The following RANBP2 variants were observed in gnomAD, a reference collection of about 807,000 sequenced individuals.
RANBP2 encodes RAN binding protein 2.
In RANBP2, 57 loss-of-function variants were observed where a neutral mutation model predicts 303.6. That is an observed-to-expected ratio of 0.19 (90% confidence interval 0.15 to 0.23). The LOEUF is 0.23. Among genes scored for constraint, RANBP2 ranks in the 10% least tolerant of loss-of-function variants. RANBP2 has a pLI of 1.00. For synonymous variants in RANBP2, 1,167 were observed against 1,301.5 expected (o/e 0.90, Z 2.23); for missense variants, 3,138 against 3,780.8 (o/e 0.83, Z 4.46).
At chr2:109,632,464 C>T in the RANBP2 span, among the ~76,000 whole-genome samples, 3 of 152,172 alleles carry the variant, frequency 2.0e-5, no homozygotes, top group African/African-American at 7.2e-5. Context: ...AATTGCTGTA[C>T]ACCCAGCTGG....
the RANBP2 span, among the ~76,000 whole-genome samples, chr2:109,056,254 A>G: frequency 6.6e-6 from 1 of 151,822 alleles, no homozygotes; most frequent in Non-Finnish European, 1.5e-5. Flanking sequence ...GTGATCTTGA[A>G]CTCCTGAGCC....
the RANBP2 span, among the ~76,000 whole-genome samples, chr2:109,447,147 TAAAAA>T: frequency 1.7e-4 from 14 of 82,718 alleles, no homozygotes; most frequent in African/African-American, 5.0e-4. Flanking sequence ...CCTGAATATT[TAAAAA>T]AAAAAAAAAA....
At chr2:109,214,486 A>G in the RANBP2 span, among the ~76,000 whole-genome samples, 1 of 151,132 alleles carries the variant, frequency 6.6e-6, no homozygotes, top group Non-Finnish European at 1.5e-5. Flanking sequence ...AAAAAAAAAA[A>G]GGAGTGGAGC....
the RANBP2 span, among the ~76,000 whole-genome samples, chr2:109,232,590 C>T: frequency 6.6e-6 from 1 of 152,192 alleles, no homozygotes; most frequent in Non-Finnish European, 1.5e-5. Flanking sequence ...AGGAGACCAA[C>T]TGTGAGTCTC....
At chr2:109,553,280 C>G in the RANBP2 span, 1 of 1,575,222 alleles carries the variant, frequency 6.3e-7, no homozygotes, top group South Asian at 1.1e-5. Flanking sequence ...TATGGCGGCT[C>G]ACGCCTGTAA....
At chr2:109,416,878 C>A in the RANBP2 span, among the ~76,000 whole-genome samples, 4 of 148,696 alleles carry the variant, frequency 2.7e-5, no homozygotes, top group Non-Finnish European at 4.4e-5. Context: ...GCATTCCAGC[C>A]TGGGCGACAG....
At chr2:109,455,009 A>T in the RANBP2 span, among the ~76,000 whole-genome samples, 6 of 152,172 alleles carry the variant, frequency 3.9e-5, no homozygotes, top group Admixed American at 3.9e-4. Flanking sequence ...AAGAGCCTCT[A>T]AAGATGTTTT....
chr2:109,129,750 G>A, the RANBP2 span: 1 of 1,539,866 alleles, frequency 6.5e-7, no homozygotes, highest in East Asian at 2.5e-5. Flanking sequence ...CGGCCAAGGT[G>A]CTGCCATGCC....
chr2:108,832,526 T>C, the RANBP2 span, among the ~76,000 whole-genome samples: 1 of 152,098 alleles, frequency 6.6e-6, no homozygotes, highest in Non-Finnish European at 1.5e-5. Flanking sequence ...TTTGTATTTT[T>C]AGTAGAGACG....
chr2:108,813,626 G>C, the RANBP2 span, among the ~76,000 whole-genome samples: 2 of 152,002 alleles, frequency 1.3e-5, no homozygotes, highest in Non-Finnish European at 2.9e-5. Flanking sequence ...TAAAATTTGA[G>C]ATATAAATTA....
chr2:109,579,447 A>T, the RANBP2 span, among the ~76,000 whole-genome samples: 1 of 149,630 alleles, frequency 6.7e-6, no homozygotes, highest in African/African-American at 2.5e-5. Context: ...GTAATGGCCC[A>T]ATCTTGGCTC....
chr2:109,667,623 A>G, the RANBP2 span, among the ~76,000 whole-genome samples: 1 of 152,094 alleles, frequency 6.6e-6, no homozygotes, highest in Non-Finnish European at 1.5e-5. Flanking sequence ...CCATGCCAAC[A>G]ATGATTTCCT....
the RANBP2 span, among the ~76,000 whole-genome samples, chr2:109,638,705 A>G: frequency 6.6e-6 from 1 of 152,192 alleles, no homozygotes; most frequent in Non-Finnish European, 1.5e-5. Context: ...ATGGAGTCTC[A>G]GTAATAGGGA....
chr2:109,552,302 C>A, the RANBP2 span, among the ~76,000 whole-genome samples: 1 of 152,158 alleles, frequency 6.6e-6, no homozygotes, highest in Non-Finnish European at 1.5e-5. Flanking sequence ...AGACTGAGTT[C>A]AAATGGAAAG....
the RANBP2 span, among the ~76,000 whole-genome samples, chr2:108,926,172 C>T: frequency 6.6e-6 from 1 of 152,210 alleles, no homozygotes; most frequent in Non-Finnish European, 1.5e-5. Flanking sequence ...TCTGCCTGGG[C>T]TTGTCACCAA....
chr2:108,911,122 G>GA, the RANBP2 span: 2 of 1,612,398 alleles, frequency 1.2e-6, no homozygotes, highest in Non-Finnish European at 1.7e-6. Flanking sequence ...GATCCCTGCT[G>GA]GTCTTCCCTC....
chr2:109,683,561 T>C, the RANBP2 span, among the ~76,000 whole-genome samples: 2 of 152,142 alleles, frequency 1.3e-5, no homozygotes, highest in African/African-American at 4.8e-5. Flanking sequence ...GGCCAGTCAC[T>C]TCCCATGTTC....
At chr2:109,382,823 T>C in the RANBP2 span, among the ~76,000 whole-genome samples, 2 of 152,338 alleles carry the variant, frequency 1.3e-5, no homozygotes, top group East Asian at 3.9e-4. Flanking sequence ...GCTTTCAGGA[T>C]TCCTAGTGCA....
the RANBP2 span, among the ~76,000 whole-genome samples, chr2:108,933,770 TC>T: frequency 0.019 from 2,862 of 151,826 alleles, 41 homozygotes; most frequent in African/African-American, 0.04. Flanking sequence ...CGACGGGAGA[TC>T]GGGGTGGCGG....
Sources: allele counts gnomAD v4.1 joint callset (sites outside exome capture counted in the v4.1 genomes callset), GRCh38; gene constraint gnomAD v4.1.1; transcripts MANE v1.5; gene names NCBI Gene and HGNC (gene_info 2026-07-23, HGNC 2026-07-21).